Variants in CDH13 observed in about 807,000 individuals in gnomAD.
CDH13 encodes cadherin-13.
CDH13 carries 24 observed loss-of-function variants against 63.8 expected under a neutral mutation model. The observed-to-expected ratio is 0.38, with a 90% CI of 0.27 to 0.53. CDH13 has a LOEUF of 0.53. Among genes scored for constraint, CDH13 ranks in the 20% least tolerant of loss-of-function variants. The pLI is 0.85. For synonymous variants in CDH13, 503 were observed against 355.3 expected (o/e 1.42, Z -4.67); for missense variants, 1,049 against 903.1 (o/e 1.16, Z -2.07).
intron 1 of CDH13, among the ~76,000 whole-genome samples, chr16:82,796,276 A>C (rs116236273): frequency 7.7e-4 from 117 of 152,180 alleles, no homozygotes; most frequent in African/African-American, 2.8e-3. Flanking sequence ...GTATGGAGGG[A>C]GTATGGGGTA....
intron 1 of CDH13, among the ~76,000 whole-genome samples, chr16:82,676,871 T>G (rs1023213978): frequency 6.7e-6 from 1 of 149,392 alleles, no homozygotes; most frequent in Non-Finnish European, 1.5e-5. Flanking sequence ...GTTTCTTTGT[T>G]TTTTGTTTTG....
At chr16:82,956,732 G>T (rs145574333) in intron 2 of CDH13, among the ~76,000 whole-genome samples, 158 of 152,272 alleles carry the variant, frequency 1.0e-3, no homozygotes, top group Admixed American at 1.9e-3. Context: ...CCTAGAATGT[G>T]CCAGGTTCTT....
chr16:83,043,052 A>G (rs564226119), intron 3 of CDH13, among the ~76,000 whole-genome samples: 12 of 152,324 alleles, frequency 7.9e-5, no homozygotes, highest in African/African-American at 2.9e-4. Context: ...ATAGCTTGAA[A>G]ATTATTGTAC....
At chr16:83,125,233 T>G (rs542766110) in intron 3 of CDH13, among the ~76,000 whole-genome samples, 152 bp from the exon 4 acceptor site, 1 of 152,238 alleles carries the variant, frequency 6.6e-6, no homozygotes, top group South Asian at 2.1e-4. Flanking sequence ...ATTCTAGTAA[T>G]GTACTTGGTA....
chr16:83,082,917 G>A (rs990708221), intron 3 of CDH13, among the ~76,000 whole-genome samples: 3 of 152,192 alleles, frequency 2.0e-5, no homozygotes, highest in Non-Finnish European at 2.9e-5. Context: ...AGGGAAAAAT[G>A]ATTTATGTCT....
chr16:83,410,087 G>C (rs734197), intron 6 of CDH13, among the ~76,000 whole-genome samples: 34,277 of 152,164 alleles, frequency 0.23, 4,177 homozygotes, highest in Middle Eastern at 0.35. Flanking sequence ...CCTGAGAGTT[G>C]CAAGCACAAA....
intron 2 of CDH13, among the ~76,000 whole-genome samples, chr16:83,021,632 A>G (rs544491863): frequency 6.6e-6 from 1 of 152,324 alleles, no homozygotes; most frequent in African/African-American, 2.4e-5. Flanking sequence ...TTCTGCTGAC[A>G]TGATAGAATT....
chr16:83,690,042 G>T (rs1464772666), intron 10 of CDH13, among the ~76,000 whole-genome samples: 2 of 151,890 alleles, frequency 1.3e-5, no homozygotes, highest in South Asian at 4.1e-4. Context: ...AAAATTAGCC[G>T]GGCGCCTGTA....
chr16:82,630,654 T>C (rs998353190), intron 1 of CDH13, among the ~76,000 whole-genome samples: 9 of 152,246 alleles, frequency 5.9e-5, no homozygotes, highest in African/African-American at 2.2e-4. Context: ...GTTCAATGTT[T>C]AGGTTAAAGT....
intron 6 of CDH13, among the ~76,000 whole-genome samples, chr16:83,369,186 T>C (rs146140299): frequency 1.3e-5 from 2 of 151,436 alleles, no homozygotes; most frequent in Non-Finnish European, 2.9e-5. Context: ...CCACCAAGAA[T>C]GGTCATGATC....
intron 3 of CDH13, among the ~76,000 whole-genome samples, chr16:83,039,753 C>G (rs1370570342): frequency 6.6e-6 from 1 of 152,108 alleles, no homozygotes; most frequent in African/African-American, 2.4e-5. Flanking sequence ...TGAACTCTCC[C>G]TCCTTCAATA....
intron 5 of CDH13, among the ~76,000 whole-genome samples, chr16:83,245,209 C>T (rs1904870305): frequency 1.3e-5 from 2 of 152,056 alleles, no homozygotes; most frequent in Non-Finnish European, 2.9e-5. Flanking sequence ...CTCTAAATTC[C>T]CAGACTTATC....
At chr16:83,224,479 A>G (rs1372585099) in intron 5 of CDH13, among the ~76,000 whole-genome samples, 1 of 152,250 alleles carries the variant, frequency 6.6e-6, no homozygotes, top group Non-Finnish European at 1.5e-5. Context: ...TGTGTTCTCA[A>G]ACCTGTGATC....
At chr16:83,459,274 C>T (rs1372118555) in intron 6 of CDH13, among the ~76,000 whole-genome samples, 1 of 152,190 alleles carries the variant, frequency 6.6e-6, no homozygotes, top group Admixed American at 6.5e-5. Flanking sequence ...TGTGGACCAC[C>T]TTTTAATGCT....
intron 3 of CDH13, among the ~76,000 whole-genome samples, chr16:83,045,905 C>A (rs1170881535): frequency 6.6e-6 from 1 of 152,220 alleles, no homozygotes; most frequent in African/African-American, 2.4e-5. Context: ...GAAAAATTAG[C>A]CTATTTGGCC....
At chr16:82,966,419 T>C (rs1256811634) in intron 2 of CDH13, among the ~76,000 whole-genome samples, 1 of 152,204 alleles carries the variant, frequency 6.6e-6, no homozygotes, top group African/African-American at 2.4e-5. Context: ...AGTGTTGGGA[T>C]TACAGGCGTG....
At chr16:82,770,966 C>T (rs1462049) in intron 1 of CDH13, among the ~76,000 whole-genome samples, 33,626 of 152,132 alleles carry the variant, frequency 0.22, 4,117 homozygotes, top group South Asian at 0.35. Flanking sequence ...CCCCCCGCTT[C>T]GGCCTCCCAA....
At chr16:82,895,427 T>C (rs2041219644) in intron 2 of CDH13, among the ~76,000 whole-genome samples, 1 of 152,206 alleles carries the variant, frequency 6.6e-6, no homozygotes. Flanking sequence ...AACTTCCTGC[T>C]AGTCTTTTCT....
chr16:83,629,221 T>C (rs1910573521), intron 8 of CDH13, among the ~76,000 whole-genome samples: 2 of 152,216 alleles, frequency 1.3e-5, no homozygotes, highest in African/African-American at 2.4e-5. Context: ...ACAATTTACC[T>C]AAATAGAGAT....
Sources: allele counts gnomAD v4.1 joint callset (sites outside exome capture counted in the v4.1 genomes callset), GRCh38; gene constraint gnomAD v4.1.1; transcripts MANE v1.5; gene names NCBI Gene and HGNC (gene_info 2026-07-23, HGNC 2026-07-21).